Variants in LRRC37A2 observed in about 807,000 individuals in gnomAD.
LRRC37A2 encodes leucine rich repeat containing 37 member A2.
LRRC37A2 carries 9 observed loss-of-function variants against 68.8 expected under a neutral mutation model. The observed-to-expected ratio is 0.13, with a 90% CI of 0.08 to 0.23. The LOEUF (loss-of-function observed/expected upper bound fraction) is 0.23. LRRC37A2 is among the 10% of genes least tolerant of loss of function. The pLI is 1.00. For missense variants in LRRC37A2, 168 were observed against 950.4 expected (o/e 0.18, Z 10.82); for synonymous variants, 63 against 367.6 (o/e 0.17, Z 9.48).
the LRRC37A2 span, among the ~76,000 whole-genome samples, chr17:46,851,402 GA>G: frequency 1.3e-5 from 2 of 151,476 alleles, no homozygotes; most frequent in African/African-American, 2.4e-5. This position sits in a 1 kb window ranked among gnomAD's most constrained non-coding sequence, Gnocchi z 4.3. Flanking sequence ...GGCAATGGGG[GA>G]GGGGCGGGGG....
the LRRC37A2 span, chr17:46,932,891 A>G: frequency 6.6e-6 from 1 of 152,350 alleles, no homozygotes; most frequent in East Asian, 1.9e-4. Context: ...TTGTTTTTTT[A>G]CAGAGGATTA....
the LRRC37A2 span, among the ~76,000 whole-genome samples, chr17:47,013,244 A>G: frequency 1.3e-5 from 2 of 152,212 alleles, no homozygotes; most frequent in African/African-American, 2.4e-5. Flanking sequence ...TTTGTTTTAG[A>G]TTGGTGAAAA....
At chr17:46,915,767 A>C in the LRRC37A2 span, among the ~76,000 whole-genome samples, 1 of 152,240 alleles carries the variant, frequency 6.6e-6, no homozygotes. Flanking sequence ...GAGGCGGTTC[A>C]GGGCTCATGC....
At chr17:46,876,679 A>G in the LRRC37A2 span, 2 of 1,587,776 alleles carry the variant, frequency 1.3e-6, no homozygotes, top group East Asian at 2.2e-5. Flanking sequence ...AGTGCCAGCA[A>G]TGTGTGCAGG....
At chr17:46,867,671 G>A in the LRRC37A2 span, among the ~76,000 whole-genome samples, 1 of 152,230 alleles carries the variant, frequency 6.6e-6, no homozygotes, top group African/African-American at 2.4e-5. Flanking sequence ...TCACCCCAGC[G>A]GGGCAGCTTT....
At chr17:46,790,780 C>T in the LRRC37A2 span, among the ~76,000 whole-genome samples, 7 of 152,250 alleles carry the variant, frequency 4.6e-5, no homozygotes, top group African/African-American at 1.4e-4. Flanking sequence ...CATTTGGGCA[C>T]GCCCCTCCGT....
chr17:46,418,949 A>AT, the LRRC37A2 span, among the ~76,000 whole-genome samples: 1 of 52,074 alleles, frequency 1.9e-5, no homozygotes, highest in Admixed American at 1.7e-4. Context: ...CTCAGGAAAC[A>AT]TTTTTGTAGT....
the LRRC37A2 span, among the ~76,000 whole-genome samples, chr17:46,869,590 G>C: frequency 6.6e-6 from 1 of 152,218 alleles, no homozygotes; most frequent in Admixed American, 6.5e-5. Context: ...CCCAAGTGCA[G>C]CCTAGGGAAT....
chr17:46,935,746 G>A, the LRRC37A2 span: 1 of 987,618 alleles, frequency 1.0e-6, no homozygotes, highest in Non-Finnish European at 1.2e-6. Context: ...ATTCCTAGAA[G>A]CCCTGACCAG....
chr17:46,495,956 GT>G, the LRRC37A2 span, among the ~76,000 whole-genome samples: 1 of 102,768 alleles, frequency 9.7e-6, no homozygotes, highest in Non-Finnish European at 2.2e-5. Context: ...CTGAAACATT[GT>G]TTGTTTAGGT....
chr17:46,922,599 G>C, the LRRC37A2 span, among the ~76,000 whole-genome samples: 1 of 152,106 alleles, frequency 6.6e-6, no homozygotes, highest in Non-Finnish European at 1.5e-5. Flanking sequence ...TTGAGGGCAG[G>C]AGGAACCCGG....
At chr17:46,960,769 G>A in the LRRC37A2 span, among the ~76,000 whole-genome samples, 3 of 152,172 alleles carry the variant, frequency 2.0e-5, no homozygotes, top group African/African-American at 7.2e-5. Context: ...CAGCTTATTG[G>A]GTGATTCCAT....
the LRRC37A2 span, among the ~76,000 whole-genome samples, chr17:46,779,103 A>ACACACACACACACACACACACAC: frequency 6.0e-5 from 8 of 133,662 alleles, 1 homozygote; most frequent in African/African-American, 2.2e-4. Flanking sequence ...ACACACACAC[A>ACACACACACACACACACACACAC]CCCCAGCCCA....
chr17:47,000,100 ATAAAATAAAATAAAATAAAATAAAAT>A, the LRRC37A2 span, among the ~76,000 whole-genome samples: 2 of 136,034 alleles, frequency 1.5e-5, no homozygotes, highest in East Asian at 3.5e-4. Flanking sequence ...ATAAAATAAA[ATAAAATAAAATAAAATAAAATAAAAT>A]AAAATAAAAT....
At chr17:46,711,710 C>T in the LRRC37A2 span, among the ~76,000 whole-genome samples, 436 of 152,210 alleles carry the variant, frequency 2.9e-3, 5 homozygotes, top group African/African-American at 0.01. Context: ...ATTAGTATGA[C>T]GGCAGAAAAG....
chr17:46,781,455 T>C, the LRRC37A2 span, among the ~76,000 whole-genome samples: 1 of 148,230 alleles, frequency 6.7e-6, no homozygotes, highest in South Asian at 2.1e-4. Context: ...AGCTACAACA[T>C]AGAAGAAACT....
chr17:46,940,424 A>C, the LRRC37A2 span: 22 of 1,599,270 alleles, frequency 1.4e-5, no homozygotes, highest in Non-Finnish European at 1.8e-5. Flanking sequence ...GATCTGTCTA[A>C]CTCTGGGGAG....
chr17:46,994,583 T>C, the LRRC37A2 span, among the ~76,000 whole-genome samples: 1 of 152,080 alleles, frequency 6.6e-6, no homozygotes. Context: ...TACTTTTCTA[T>C]ATGAATGCTA....
chr17:46,798,103 A>C, the LRRC37A2 span, among the ~76,000 whole-genome samples: 6 of 152,128 alleles, frequency 3.9e-5, no homozygotes, highest in East Asian at 1.2e-3. Context: ...TAATTTTTGT[A>C]TTTTTAGTAG....
Sources: allele counts gnomAD v4.1 joint callset (sites outside exome capture counted in the v4.1 genomes callset), GRCh38; gene constraint gnomAD v4.1.1; non-coding constraint Gnocchi (gnomAD v3.1); transcripts MANE v1.5; gene names NCBI Gene and HGNC (gene_info 2026-07-23, HGNC 2026-07-21).